The following CCDC30 variants were observed in gnomAD, a reference collection of about 807,000 sequenced individuals.
The protein encoded by CCDC30 is coiled-coil domain-containing protein 30.
CCDC30 carries 70 observed loss-of-function variants against 100.2 expected under a neutral mutation model. The ratio of observed to expected loss-of-function variants is 0.70; its 90% CI spans 0.58 to 0.85. The LOEUF (loss-of-function observed/expected upper bound fraction) is 0.85, where lower values mean the gene tolerates loss of function less well. Ranked by LOEUF, CCDC30 falls within the 40% of genes least tolerant of loss-of-function variation. CCDC30 has a pLI of 0.00. For missense variants in CCDC30, 652 were observed against 771.2 expected (o/e 0.85, Z 1.83); for synonymous variants, 233 against 269.5 (o/e 0.86, Z 1.33).
intron 1 of CCDC30, among the ~76,000 whole-genome samples, chr1:42,472,574 T>A (rs2148443289): frequency 6.6e-6 from 1 of 152,218 alleles, no homozygotes; most frequent in Non-Finnish European, 1.5e-5. Context: ...TCTTTGGACT[T>A]TAAAAAAGAA....
chr1:42,653,792 A>G, intron 16 of CCDC30, 26 bp from the exon 21 acceptor site: 1 of 1,558,920 alleles, frequency 6.4e-7, no homozygotes, highest in Non-Finnish European at 8.8e-7. Flanking sequence ...TATGTACATG[A>G]TGTCCTCACA....
intron 6 of CCDC30, among the ~76,000 whole-genome samples, chr1:42,507,680 G>A (rs1644416357): frequency 6.6e-6 from 1 of 152,014 alleles, no homozygotes. Flanking sequence ...TGTGAAACCT[G>A]GTAAGTTGTT....
intron 6 of CCDC30, among the ~76,000 whole-genome samples, chr1:42,562,678 G>T (rs566751920): frequency 1.5e-4 from 23 of 152,246 alleles, no homozygotes; most frequent in Admixed American, 3.3e-4. Flanking sequence ...GCAACCTAGA[G>T]AATGGGGGAA....
At chr1:42,513,535 C>T (rs1047517782) in intron 6 of CCDC30, among the ~76,000 whole-genome samples, 5 of 152,144 alleles carry the variant, frequency 3.3e-5, no homozygotes, top group African/African-American at 4.8e-5. Context: ...GTAGCCTTTT[C>T]CTATTGGCAC....
At chr1:42,575,801 G>A (rs867105358) in intron 7 of CCDC30, among the ~76,000 whole-genome samples, 11 of 152,128 alleles carry the variant, frequency 7.2e-5, no homozygotes, top group South Asian at 2.1e-4. Flanking sequence ...ACAGTGATGA[G>A]TAAGGACATT....
At position 42,568,390 on chromosome 1, in the gene CCDC30, C is replaced by T. The variant is rs569060094; in HGVS notation, c.636+1915C>T. On this transcript the variant is annotated intron_variant, in intron 7 of 16. Coordinates refer to ENST00000668663, the Ensembl canonical transcript of CCDC30. ...TTAGCTTCCCAAAGTGCTGGGATTA[C>T]AGGTGTGAGCCACCGGGCACTGCCT... 2.0e-5 allele frequency among the ~76,000 whole-genome samples: 3 copies of T among 152,272 alleles called. No individual in the cohort carries two copies. The South Asian group carries it at 6.2e-4, about 32-fold the overall frequency.
At chr1:42,608,390 A>G (rs1646547048) in intron 10 of CCDC30, among the ~76,000 whole-genome samples, 1 of 152,196 alleles carries the variant, frequency 6.6e-6, no homozygotes, top group African/African-American at 2.4e-5. Flanking sequence ...CATCATTGTT[A>G]TAGAAAAAGC....
intron 10 of CCDC30, chr1:42,593,505 T>G (rs1570178020): frequency 6.6e-6 from 1 of 152,202 alleles, no homozygotes. Flanking sequence ...GTAGGCATGA[T>G]TGGTTAAATC....
intron 14 of CCDC30, 36 bp downstream of exon 18, chr1:42,644,843 T>C (rs1269452795): frequency 7.4e-7 from 1 of 1,360,526 alleles, no homozygotes; most frequent in Non-Finnish European, 1.1e-6. Flanking sequence ...CTGCCTTTAA[T>C]GTGAAGTTCG....
intron 10 of CCDC30, among the ~76,000 whole-genome samples, chr1:42,598,082 C>T (rs533288544): frequency 1.1e-4 from 16 of 152,184 alleles, no homozygotes; most frequent in South Asian, 6.2e-4. Flanking sequence ...GTGGGAGGAT[C>T]GCTTGAGCCC....
At chr1:42,601,929 G>A (rs561851457) in intron 10 of CCDC30, among the ~76,000 whole-genome samples, 1 of 152,232 alleles carries the variant, frequency 6.6e-6, no homozygotes, top group South Asian at 2.1e-4. Flanking sequence ...TGAATTCCAA[G>A]ATAACACAGA....
At chr1:42,567,578 C>T (rs1350488595) in intron 7 of CCDC30, among the ~76,000 whole-genome samples, 1 of 152,192 alleles carries the variant, frequency 6.6e-6, no homozygotes, top group Non-Finnish European at 1.5e-5. Flanking sequence ...TTTGAATAAA[C>T]CTCTTCCCTG....
intron 8 of CCDC30, among the ~76,000 whole-genome samples, chr1:42,580,119 G>A (rs1570134723): frequency 6.6e-6 from 1 of 152,302 alleles, no homozygotes; most frequent in East Asian, 1.9e-4. Flanking sequence ...CAAAAGTTTG[G>A]ATGTATCCTT....
chr1:42,529,436 C>G (rs374877951), intron 6 of CCDC30, among the ~76,000 whole-genome samples: 1 of 151,952 alleles, frequency 6.6e-6, no homozygotes, highest in Non-Finnish European at 1.5e-5. Context: ...CATGCCACTG[C>G]ACTCCAGTCT....
At chr1:42,581,614 C>G (rs1322785614) in intron 9 of CCDC30, 100 bp downstream of exon 13, 4 of 1,094,012 alleles carry the variant, frequency 3.7e-6, no homozygotes, top group Admixed American at 2.7e-5. Context: ...AGTATTTCTG[C>G]TCTGTCCCCA....
At chr1:42,457,412 C>G in the CCDC30 span, 2 of 1,438,474 alleles carry the variant, frequency 1.4e-6, no homozygotes, top group Non-Finnish European at 2.0e-6. Context: ...TTAATTTCCT[C>G]TTGATCTGGA....
At chr1:42,521,693 C>A (rs1372134981) in intron 6 of CCDC30, among the ~76,000 whole-genome samples, 1 of 152,030 alleles carries the variant, frequency 6.6e-6, no homozygotes, top group Admixed American at 6.5e-5. Flanking sequence ...TTTCTCCCTT[C>A]AATTCTGTAA....
upstream of CCDC30, among the ~76,000 whole-genome samples, chr1:42,461,163 G>T (rs1643400721): frequency 6.6e-6 from 1 of 152,210 alleles, no homozygotes; most frequent in Admixed American, 6.5e-5. Context: ...GTTTCATGGA[G>T]TAGGGAAGGG....
At chr1:42,581,226 T>G (rs1645959110) in intron 8 of CCDC30, 134 bp from the exon 13 acceptor site, 3 of 676,658 alleles carry the variant, frequency 4.4e-6, no homozygotes, top group Non-Finnish European at 7.7e-6. Flanking sequence ...AAATTAAATC[T>G]AGCTACTCTT....
Sources: allele counts gnomAD v4.1 joint callset (sites outside exome capture counted in the v4.1 genomes callset), GRCh38; gene constraint gnomAD v4.1.1; transcripts MANE v1.5; gene names NCBI Gene and HGNC (gene_info 2026-07-23, HGNC 2026-07-21).